The following ZDHHC13 variants were observed in gnomAD, a reference collection of about 807,000 sequenced individuals.
The protein encoded by ZDHHC13 is zDHHC palmitoyltransferase 13, also known as palmitoyltransferase ZDHHC13.
A neutral mutation model predicts 86.0 loss-of-function variants in ZDHHC13; 85 were observed. That is an observed-to-expected ratio of 0.99 (90% CI 0.83 to 1.18). The LOEUF (loss-of-function observed/expected upper bound fraction) is 1.18, where lower values mean the gene tolerates loss of function less well. ZDHHC13 is among the 50% of genes most tolerant of loss of function. ZDHHC13 has a pLI of 0.00. For missense variants in ZDHHC13, 711 were observed against 730.2 expected, an observed-to-expected ratio of 0.97 and a Z score of 0.30; for synonymous variants, 263 against 246.4, an observed-to-expected ratio of 1.07 and a Z score of -0.63.
chr11:19,130,174 CTAAT>C (rs200460204), intron 1 of ZDHHC13, among the ~76,000 whole-genome samples: 3,470 of 152,110 alleles, frequency 0.023, 61 homozygotes, highest in Non-Finnish European at 0.032. Context: ...ATAGGGTTAA[CTAAT>C]TAAGTTATAG....
At chr11:19,145,372 C>T (rs1193869179) in intron 2 of ZDHHC13, among the ~76,000 whole-genome samples, 1 of 152,168 alleles carries the variant, frequency 6.6e-6, no homozygotes, top group Admixed American at 6.5e-5. Flanking sequence ...CCTCACCCTG[C>T]TCTAAGCAGC....
At chr11:19,141,875 G>A (rs1184694583) in intron 1 of ZDHHC13, among the ~76,000 whole-genome samples, 1 of 152,024 alleles carries the variant, frequency 6.6e-6, no homozygotes, top group Non-Finnish European at 1.5e-5. Flanking sequence ...TCAGCTAGTG[G>A]GACTATCTTG....
At chr11:19,158,857 A>G in intron 9 of ZDHHC13, 83 bp from the exon 10 acceptor site, 1 of 874,296 alleles carries the variant, frequency 1.1e-6, no homozygotes, top group Non-Finnish European at 1.7e-6. Context: ...TATTATTATT[A>G]CTACCATTAT....
intron 5 of ZDHHC13, 117 bp from the exon 6 acceptor site, chr11:19,150,610 G>T: frequency 1.2e-6 from 1 of 800,030 alleles, no homozygotes. Context: ...TGATATTTGA[G>T]CCCTTTATGT....
chr11:19,141,496 T>G (rs935207455), intron 1 of ZDHHC13, among the ~76,000 whole-genome samples: 1 of 152,112 alleles, frequency 6.6e-6, no homozygotes, highest in Non-Finnish European at 1.5e-5. Flanking sequence ...GCCTGCCTGC[T>G]TGTCCACCAA....
Position 19,170,547 on chromosome 11 carries a change from A to G in ZDHHC13, c.1611A>G (p.Leu537=). The G allele has an allele frequency of 5.2e-6, 8 of 1,526,526 alleles. No individual in the cohort carries two copies. The highest frequency in any genetic ancestry group is 4.4e-6 in the Non-Finnish European group (5 of 1,141,250). The allele number at this position is 1,526,526 out of a possible 1,614,324, so 94.6% of individuals were successfully genotyped here. Residue 537 remains leucine, a synonymous_variant, in exon 15 of 17, where the codon TTA becomes TTG. Transcript: ENST00000446113. ...TCCATTTCTCATGGTCAACATTTTTATTATTAAATCAACTCTTTCAGGTAT... is the reference window on the plus strand; with the variant it reads ...TCCATTTCTCATGGTCAACATTTTTGTTATTAAATCAACTCTTTCAGGTAT... ...ATFHFSWSTF[L]LLNQLFQIAF...
intron 5 of ZDHHC13, among the ~76,000 whole-genome samples, chr11:19,150,499 A>G (rs1849579079): frequency 6.6e-6 from 1 of 152,146 alleles, no homozygotes; most frequent in Admixed American, 6.6e-5. Context: ...ACATCATATA[A>G]CACTTTACAT....
At chr11:19,164,233 G>T in intron 11 of ZDHHC13, 68 bp from the exon 12 acceptor site, 1 of 1,481,668 alleles carries the variant, frequency 6.7e-7, no homozygotes, top group South Asian at 1.2e-5. Context: ...CTGTGAGAAT[G>T]GTGTATAACC....
chr11:19,156,087 T>A (rs1344302453), intron 9 of ZDHHC13, among the ~76,000 whole-genome samples, 158 bp downstream of exon 9: 1 of 152,204 alleles, frequency 6.6e-6, no homozygotes, highest in Non-Finnish European at 1.5e-5. Flanking sequence ...AGGGCTCTGG[T>A]AGCATATTAT....
intron 14 of ZDHHC13, chr11:19,169,670 C>A (rs1366036034): frequency 5.1e-6 from 5 of 985,354 alleles, no homozygotes; most frequent in African/African-American, 1.7e-5. Context: ...CTTGAAGATC[C>A]GTTCCCTTGT....
chr11:19,154,197 T>C (rs1849694930), intron 8 of ZDHHC13, among the ~76,000 whole-genome samples: 1 of 152,178 alleles, frequency 6.6e-6, no homozygotes, highest in African/African-American at 2.4e-5. Context: ...GATCTTAAGT[T>C]CATTGATGTG....
chr11:19,168,516 A>T (rs1342849809), intron 14 of ZDHHC13: 1 of 152,204 alleles, frequency 6.6e-6, no homozygotes, highest in Non-Finnish European at 1.5e-5. Context: ...ATTTTGTTTC[A>T]TAAGAACAGT....
chr11:19,161,785 A>G (rs1002482611), intron 10 of ZDHHC13, among the ~76,000 whole-genome samples: 22 of 152,172 alleles, frequency 1.4e-4, no homozygotes, highest in Admixed American at 1.3e-3. Context: ...AGTGCATGTT[A>G]TGGTGAGCTA....
chr11:19,142,842 C>G, intron 1 of ZDHHC13, 136 bp from the exon 2 acceptor site: 1 of 955,778 alleles, frequency 1.0e-6, no homozygotes, highest in Non-Finnish European at 1.5e-6. Flanking sequence ...TCAAGTCATT[C>G]TCAGGATACA....
chr11:19,155,368 G>T (rs889064588), intron 8 of ZDHHC13, among the ~76,000 whole-genome samples: 20 of 151,946 alleles, frequency 1.3e-4, no homozygotes, highest in Admixed American at 1.3e-3. Flanking sequence ...ATCGCCTGAG[G>T]TCAGAAGTTC....
rs1356538179 is a variant in ZDHHC13, at chr11:19,160,247, A to C, written c.1108+1207A>C. Among the ~76,000 whole-genome samples the C allele has an allele frequency of 2.0e-5, 3 of 151,970 alleles. No homozygotes were observed. The East Asian group carries it at 5.8e-4, about 29-fold the overall frequency. On this transcript the variant is annotated intron_variant, in intron 10 of 16. Coordinates refer to ENST00000446113, the MANE Select transcript of ZDHHC13 (RefSeq NM_019028.3). ...TTTCAGATTTCTTTAAATGAATGGCACAGCATACATTGGGGCCATTTGGCT... is the reference window on the plus strand; with the variant it reads ...TTTCAGATTTCTTTAAATGAATGGCCCAGCATACATTGGGGCCATTTGGCT...
chr11:19,152,200 C>G lies in ZDHHC13; in HGVS notation c.627C>G (p.Leu209=). ...TTCTTTTAAAGTTTAATCCTTCTCT[C>G]AATGTGGTTGATAAAATACACCAAA... The part of the protein sequence containing the change: ...TGFLLKFNPS[L]NVVDKIHQNT... Residue 209 remains leucine (L), a synonymous_variant, in exon 7 of 17, where the codon CTC becomes CTG. Transcript: ENST00000446113. The G allele has an allele frequency of 6.2e-7, 1 of 1,613,170 alleles. No homozygotes were observed. The highest frequency in any genetic ancestry group is 8.5e-7 in the Non-Finnish European group (1 of 1,179,388).
At chr11:19,148,025 G>A (rs1350223381) in intron 4 of ZDHHC13, among the ~76,000 whole-genome samples, 5 of 152,250 alleles carry the variant, frequency 3.3e-5, no homozygotes, top group African/African-American at 9.6e-5. Context: ...TTTTATTTCA[G>A]AGGTGAGTTT....
At chr11:19,123,055 C>T (rs1419109507) in intron 1 of ZDHHC13, among the ~76,000 whole-genome samples, 2 of 152,212 alleles carry the variant, frequency 1.3e-5, no homozygotes, top group African/African-American at 2.4e-5. Flanking sequence ...CACTCTGTCT[C>T]TGACATATCT....
Sources: gnomAD v4.1 joint callset for allele counts (sites outside exome capture counted in the v4.1 genomes callset) on GRCh38, gnomAD v4.1.1 for gene constraint, MANE v1.5 for transcripts, NCBI Gene and HGNC (gene_info 2026-07-23, HGNC 2026-07-21) for gene names.